ENTR1: variants seen among roughly 807,000 people sequenced by gnomAD.
ENTR1 encodes the protein endosome associated trafficking regulator 1.
Under a neutral mutation model 47.9 loss-of-function variants are expected in ENTR1, and 47 were observed. That is an observed-to-expected ratio of 0.98 (90% CI 0.78 to 1.25). The LOEUF (loss-of-function observed/expected upper bound fraction) is 1.25. Ranked by LOEUF, ENTR1 falls within the 50% of genes most tolerant of loss-of-function variation. ENTR1 has a pLI of 0.00. For synonymous variants in ENTR1, 290 were observed against 245.8 expected, an observed-to-expected ratio of 1.18 and a Z score of -1.68; for missense variants, 668 against 570.5, an observed-to-expected ratio of 1.17 and a Z score of -1.74.
chr9:136,408,470 C>T (rs189039194), intron 3 of ENTR1, among the ~76,000 whole-genome samples: 66 of 152,006 alleles, frequency 4.3e-4, no homozygotes, highest in African/African-American at 8.7e-4. Context: ...CCCAGCTACT[C>T]GGGAGGCTGA....
chr9:136,408,374 T>C lies in ENTR1; in HGVS notation c.290-436A>G, dbSNP rs3124612. Among the ~76,000 whole-genome samples the C allele has an allele frequency of 9.4e-3, 1,435 of 151,940 alleles. 10 individuals are homozygous for C. Among genetic ancestry groups the C allele is most frequent in the African/African-American group, 0.02 (815 of 41,466 alleles). On this transcript the variant is annotated intron_variant, in intron 3 of 9. Coordinates refer to ENST00000357365, the MANE Select transcript of ENTR1 (RefSeq NM_001039707.2). ...CGGGCGGATCACGAGGTCAGGAGAC[T>C]GAGACCATCCTGGCTAACACGGTGA... is the stretch of plus-strand genomic sequence containing the variant.
chr9:136,408,450 C>T (rs1030006489), intron 3 of ENTR1, among the ~76,000 whole-genome samples: 9 of 152,010 alleles, frequency 5.9e-5, no homozygotes, highest in South Asian at 2.1e-4. Flanking sequence ...TGGTGGTGAG[C>T]GCCTGTAGTC....
intron 2 of ENTR1, 89 bp from the exon 3 acceptor site, chr9:136,409,156 CTGCAG>C (rs1337234018): frequency 1.9e-5 from 21 of 1,079,052 alleles, no homozygotes; most frequent in Non-Finnish European, 2.6e-5. Flanking sequence ...GGAGTCTCCA[CTGCAG>C]TGGTTCTCAC....
rs1424884424 is a variant in ENTR1 at position 136,410,093 on chromosome 9, T to A, written c.217A>T (p.Thr73Ser). The change falls in exon 2 of 10, where the codon ACA (threonine) becomes TCA (serine). Residue 73 changes from threonine to serine, a missense_variant. By Grantham distance (58) the Thr-to-Ser change is moderately conservative. Transcript: ENST00000357365. ...GGCCGGCGCCCTCGTCTCTCACCTG[T>A]GTCTCCCACGGAAGCCAGCACCGGG... is the stretch of plus-strand genomic sequence containing the variant. ...PSPVLASVGD[T>S]DFGYGKGKCS... 1.2e-6 allele frequency: 2 copies of A among 1,612,660 alleles called. No individual in the cohort carries two copies. Among genetic ancestry groups the A allele is most frequent in the South Asian group, 1.1e-5 (1 of 91,042 alleles).
chr9:136,407,481 C>T lies in ENTR1; in HGVS notation c.483G>A (p.Gln161=). ...QTGGYGLEYQ[Q]PFFEDPTGAG... The stretch of plus-strand genomic sequence containing the variant: ...CCCCTGTCGGATCCTCGAAAAATGG[C>T]TGCTGATACTCCAGGCCATACCCGC... The change falls in exon 5 of 10, where the codon CAG becomes CAA. Residue 161 remains glutamine (Q), a synonymous_variant. Coordinates refer to ENST00000357365, the MANE Select transcript of ENTR1 (RefSeq NM_001039707.2). 1 of 1,608,666 alleles carries T rather than the reference C, an allele frequency of 6.2e-7. No homozygotes were observed. Among genetic ancestry groups the T allele is most frequent in the African/African-American group, 1.4e-5 (1 of 73,792 alleles).
In ENTR1 at chr9:136,410,513, C is replaced by A. The variant is rs546915615; in HGVS notation, c.-116G>T. ...GCCCCCGTCGCCCGCCCCCGTCGCC[C>A]GCCGCTCGGCCGCCCCCGCGCCTCC... is the stretch of plus-strand genomic sequence containing the variant. On this transcript the variant is annotated 5_prime_UTR_variant, in exon 1 of 10. Transcript: ENST00000357365. The A allele has an allele frequency of 9.9e-4, 987 of 997,088 alleles. No individual in the cohort carries two copies. The highest frequency in any genetic ancestry group is 2.9e-3 in the Middle Eastern group (7 of 2,380). The allele number at this position is 997,088 out of a possible 1,614,324, so 61.8% of individuals were successfully genotyped here.
At chr9:136,403,654 A>G (rs974986889) in intron 9 of ENTR1, among the ~76,000 whole-genome samples, 1 of 152,076 alleles carries the variant, frequency 6.6e-6, no homozygotes, top group African/African-American at 2.4e-5. Context: ...GCAGACACTC[A>G]CCACTGTCAC....
At chr9:136,405,503 T>C (rs919232001) in intron 6 of ENTR1, among the ~76,000 whole-genome samples, 29 of 152,240 alleles carry the variant, frequency 1.9e-4, no homozygotes, top group African/African-American at 7.0e-4. Flanking sequence ...TTTAGGAGCC[T>C]GAGGCAGGAG....
Position 136,403,692 on chromosome 9 carries a change from C to T in ENTR1, c.1208+363G>A, listed in dbSNP as rs543947490. Among the ~76,000 whole-genome samples the T allele has an allele frequency of 5.9e-5, 9 of 152,212 alleles. No individual in the cohort carries two copies. The South Asian group carries it at 1.7e-3, about 28-fold the overall frequency. On this transcript the variant is annotated intron_variant, in intron 9 of 9. Coordinates refer to ENST00000357365, the MANE Select transcript of ENTR1 (RefSeq NM_001039707.2). ...TCATGGTGGCTGGCGTGTCCCCAGC[C>T]AGGCACAGCAGTAAGGGCCTTCTGG...
chr9:136,409,403 A>C (rs550547133), intron 2 of ENTR1, among the ~76,000 whole-genome samples: 416 of 152,104 alleles, frequency 2.7e-3, no homozygotes, highest in Non-Finnish European at 4.3e-3. Flanking sequence ...GGATGGTCTC[A>C]ATCTCCTGAC....
chr9:136,405,725 C>T (rs1184633549), intron 6 of ENTR1, among the ~76,000 whole-genome samples, 180 bp downstream of exon 6: 5 of 152,118 alleles, frequency 3.3e-5, no homozygotes, highest in Non-Finnish European at 7.4e-5. Flanking sequence ...CTGGGTGACA[C>T]GGCAAGACTG....
chr9:136,404,077 T>A lies in ENTR1; in HGVS notation c.1186A>T (p.Asn396Tyr). The A allele has an allele frequency of 6.2e-7, 1 of 1,612,746 alleles. No homozygotes were observed. Among genetic ancestry groups the A allele is most frequent in the Non-Finnish European group, 8.5e-7 (1 of 1,179,660 alleles). Residue 396 changes from asparagine to tyrosine, a missense_variant, in exon 9 of 10, where the codon AAC becomes TAC. By Grantham distance (143) the Asn-to-Tyr change is moderately radical (BLOSUM62 -2). Coordinates refer to ENST00000357365, the MANE Select transcript of ENTR1 (RefSeq NM_001039707.2). ...VALQNLRVVM[N>Y]SAQASIKQLV... is the part of the protein sequence containing the mutation. Reference sequence around the variant, plus strand: ...CACTTGATGGAAGCCTGTGCACTGTTCATGACCACCCGGAGGTTCTGCAGG... The same window carrying A: ...CACTTGATGGAAGCCTGTGCACTGTACATGACCACCCGGAGGTTCTGCAGG...
intron 4 of ENTR1, 118 bp from the exon 5 acceptor site, chr9:136,407,679 G>T: frequency 7.0e-7 from 1 of 1,434,944 alleles, no homozygotes; most frequent in Non-Finnish European, 9.3e-7. Flanking sequence ...ACCGGAAGGA[G>T]CCCAGCAGCT....
chr9:136,409,760 G>C (rs1284793959), intron 2 of ENTR1: 3 of 426,344 alleles, frequency 7.0e-6, no homozygotes, highest in Non-Finnish European at 1.4e-5. Context: ...CCCGGCTGTG[G>C]AGGCAGATGG....
Position 136,409,329 on chromosome 9 carries a change from T to C in ENTR1, c.221-262A>G, listed in dbSNP as rs541199167. 6.6e-5 allele frequency among the ~76,000 whole-genome samples: 10 copies of C among 152,166 alleles called. No individual in the cohort carries two copies. In the South Asian group the frequency reaches 1.9e-3, roughly 28 times the overall value. On this transcript the variant is annotated intron_variant, in intron 2 of 9. Coordinates refer to ENST00000357365, the MANE Select transcript of ENTR1 (RefSeq NM_001039707.2). ...CCGAGTAGCTGGGACTACAGGCACC[T>C]GCCACCACGCCCGGCTAATTTTTTT...
intron 2 of ENTR1, 64 bp downstream of exon 2, chr9:136,410,026 C>T: frequency 6.3e-7 from 1 of 1,580,576 alleles, no homozygotes. Context: ...CGTGCTGCAG[C>T]GGAGGTGCCA....
Position 136,404,072 on chromosome 9 carries a change from A to G in ENTR1, c.1191T>C (p.Ser397=), listed in dbSNP as rs998461105. The change falls in exon 9 of 10, where the codon AGT becomes AGC. Residue 397 remains serine, a synonymous_variant. Transcript: ENST00000357365. ...GCACTCACTTGATGGAAGCCTGTGC[A>G]CTGTTCATGACCACCCGGAGGTTCT... ...ALQNLRVVMN[S]AQASIKQLVS... 2.5e-6 allele frequency: 4 copies of G among 1,611,190 alleles called. No individual in the cohort carries two copies. Among genetic ancestry groups the G allele is most frequent in the Non-Finnish European group, 3.4e-6 (4 of 1,178,796 alleles).
intron 2 of ENTR1, chr9:136,409,886 G>A (rs1315465308): frequency 4.1e-6 from 3 of 733,814 alleles, no homozygotes; most frequent in Non-Finnish European, 7.4e-6. Flanking sequence ...TCCTGTACTG[G>A]AACTGTCTGT....
intron 5 of ENTR1, 23 bp from the exon 6 acceptor site, chr9:136,406,001 T>C: frequency 6.3e-7 from 1 of 1,582,022 alleles, no homozygotes; most frequent in Non-Finnish European, 8.6e-7. Context: ...AACATCCTTA[T>C]TAGAAAGTCA....
Sources: gnomAD v4.1 joint callset for allele counts (sites outside exome capture counted in the v4.1 genomes callset) on GRCh38, gnomAD v4.1.1 for gene constraint, MANE v1.5 for transcripts, NCBI Gene and HGNC (gene_info 2026-07-23, HGNC 2026-07-21) for gene names.